The following SPATA6 variants were observed in gnomAD, a reference collection of about 807,000 sequenced individuals.
SPATA6 encodes spermatogenesis-associated protein 6.
SPATA6 carries 56 observed loss-of-function variants against 65.3 expected under a neutral mutation model. The observed-to-expected ratio is 0.86, with a 90% CI of 0.69 to 1.07. SPATA6 has a LOEUF of 1.07. Among genes scored for constraint, SPATA6 ranks in the 50% least tolerant of loss-of-function variants. The probability of loss-of-function intolerance (pLI) is 0.00; values close to 1 mark genes in which losing one functional copy is unlikely to be tolerated. For missense variants in SPATA6, 590 were observed against 594.8 expected (o/e 0.99, Z 0.08); for synonymous variants, 199 against 213.2 (o/e 0.93, Z 0.58).
At chr1:48,311,429 T>C (rs116407830) in intron 11 of SPATA6, among the ~76,000 whole-genome samples, 1,896 of 152,166 alleles carry the variant, frequency 0.012, 48 homozygotes, top group African/African-American at 0.043. Context: ...AAAATAATTA[T>C]AGAATTGTCT....
chr1:48,418,525 T>C (rs190528537), intron 3 of SPATA6, among the ~76,000 whole-genome samples: 14 of 90,076 alleles, frequency 1.6e-4, no homozygotes, highest in Middle Eastern at 0.014. Flanking sequence ...CTGGGCAACA[T>C]GGCAAGAACC....
intron 9 of SPATA6, among the ~76,000 whole-genome samples, chr1:48,367,853 T>G (rs1335519190): frequency 1.3e-5 from 2 of 152,350 alleles, no homozygotes; most frequent in Non-Finnish European, 2.9e-5. Context: ...TGTTATCTGG[T>G]TATTTTGCTC....
downstream of SPATA6, among the ~76,000 whole-genome samples, chr1:48,294,859 G>T (rs1228109179): frequency 6.6e-6 from 1 of 152,144 alleles, no homozygotes; most frequent in Admixed American, 6.5e-5. Context: ...GCACTTGGAG[G>T]AGTTTCCTGA....
the SPATA6 span, among the ~76,000 whole-genome samples, chr1:48,285,255 C>G: frequency 1.1e-4 from 16 of 152,214 alleles, no homozygotes; most frequent in East Asian, 3.1e-3. Context: ...ACTCAAGCCT[C>G]AGTAATGGCG....
intron 3 of SPATA6, chr1:48,436,738 G>A (rs1654976226): frequency 1.2e-6 from 2 of 1,614,190 alleles, no homozygotes; most frequent in East Asian, 4.5e-5. Context: ...TGGGATTACA[G>A]CATGTGAATT....
At chr1:48,408,354 T>G (rs1280340982) in intron 5 of SPATA6, among the ~76,000 whole-genome samples, 1 of 152,188 alleles carries the variant, frequency 6.6e-6, no homozygotes, top group East Asian at 1.9e-4. Context: ...CTTTCAGCAA[T>G]AAAATATTTT....
chr1:48,355,189 T>G (rs1422002129), intron 11 of SPATA6, among the ~76,000 whole-genome samples: 1 of 152,168 alleles, frequency 6.6e-6, no homozygotes, highest in Non-Finnish European at 1.5e-5. Context: ...AGATTTTTCC[T>G]AATGTTAAAC....
At chr1:48,435,751 C>T (rs951836809) in intron 3 of SPATA6, among the ~76,000 whole-genome samples, 4 of 152,186 alleles carry the variant, frequency 2.6e-5, no homozygotes. Flanking sequence ...CCTCCCGCGC[C>T]CCGCACCGGG....
intron 1 of SPATA6, among the ~76,000 whole-genome samples, chr1:48,469,227 AT>A (rs1256413335): frequency 2.0e-5 from 3 of 152,204 alleles, no homozygotes; most frequent in African/African-American, 7.2e-5. Flanking sequence ...AAAATAAAAA[AT>A]TTATACATAA....
chr1:48,331,830 G>C lies in SPATA6; in HGVS notation c.1194+23840C>G, dbSNP rs1231452589. On this transcript the variant is annotated intron_variant, in intron 11 of 12. Coordinates refer to ENST00000371847, the MANE Select transcript of SPATA6 (RefSeq NM_019073.4). ...GATAAAGGCAGCTAGAGAATAAAGGGGAGGTCACTCACTAGGGGAACCCTA... is the reference window on the plus strand; with the variant it reads ...GATAAAGGCAGCTAGAGAATAAAGGCGAGGTCACTCACTAGGGGAACCCTA... Among the ~76,000 whole-genome samples, 3 of 152,182 alleles carry C rather than the reference G, an allele frequency of 2.0e-5. No individual in the cohort carries two copies. The East Asian group carries it at 5.8e-4, about 29-fold the overall frequency.
intron 11 of SPATA6, among the ~76,000 whole-genome samples, chr1:48,351,708 C>A (rs548001904): frequency 6.6e-6 from 1 of 152,022 alleles, no homozygotes; most frequent in East Asian, 1.9e-4. Flanking sequence ...TTTGTATATA[C>A]ATTCATGAGG....
intron 5 of SPATA6, among the ~76,000 whole-genome samples, chr1:48,408,452 A>G (rs1451905547): frequency 1.3e-5 from 2 of 152,172 alleles, no homozygotes; most frequent in African/African-American, 4.8e-5. Context: ...TAGGTGTATG[A>G]ATATATATTT....
At chr1:48,369,873 C>T (rs1056710300) in intron 9 of SPATA6, among the ~76,000 whole-genome samples, 1 of 152,202 alleles carries the variant, frequency 6.6e-6, no homozygotes, top group African/African-American at 2.4e-5. Flanking sequence ...CTGCGTCGCT[C>T]ACGCTGGGAG....
intron 11 of SPATA6, among the ~76,000 whole-genome samples, chr1:48,346,275 C>A (rs1340326495): frequency 6.6e-6 from 1 of 152,100 alleles, no homozygotes; most frequent in African/African-American, 2.4e-5. Context: ...TAAAATTCAA[C>A]ATTTCTTCCT....
chr1:48,354,848 T>C (rs1455890529), intron 11 of SPATA6, among the ~76,000 whole-genome samples: 1 of 152,174 alleles, frequency 6.6e-6, no homozygotes. Context: ...GTAGTTTACA[T>C]GAGACTGTTA....
At chr1:48,418,856 G>T (rs1219163467) in intron 3 of SPATA6, among the ~76,000 whole-genome samples, 2 of 147,128 alleles carry the variant, frequency 1.4e-5, no homozygotes, top group Non-Finnish European at 3.0e-5. Context: ...GAGGAGAGGG[G>T]AGGGGAAGGA....
downstream of SPATA6, among the ~76,000 whole-genome samples, chr1:48,292,517 C>A (rs1451959985): frequency 2.0e-5 from 3 of 152,292 alleles, no homozygotes; most frequent in East Asian, 1.9e-4. Flanking sequence ...GGGGTGCACA[C>A]AACAGGAGGG....
intron 11 of SPATA6, among the ~76,000 whole-genome samples, chr1:48,349,095 T>C (rs942795691): frequency 2.0e-5 from 3 of 152,048 alleles, no homozygotes; most frequent in Admixed American, 2.0e-4. Flanking sequence ...TAAATGACTA[T>C]AAAAATAGAA....
chr1:48,264,460 G>C, the SPATA6 span, among the ~76,000 whole-genome samples: 1 of 152,144 alleles, frequency 6.6e-6, no homozygotes, highest in African/African-American at 2.4e-5. Context: ...ATGGTGGGTT[G>C]CTGCACTCAT....
Sources: gnomAD v4.1 joint callset for allele counts (sites outside exome capture counted in the v4.1 genomes callset) on GRCh38, gnomAD v4.1.1 for gene constraint, MANE v1.5 for transcripts, NCBI Gene and HGNC (gene_info 2026-07-23, HGNC 2026-07-21) for gene names.